ARHGEF6: variants seen among roughly 807,000 people sequenced by gnomAD.
ARHGEF6 encodes the protein Rac/Cdc42 guanine nucleotide exchange factor 6.
ARHGEF6 carries 9 observed loss-of-function variants against 70.3 expected under a neutral mutation model. That is an observed-to-expected ratio of 0.13 (90% CI 0.08 to 0.22). The LOEUF is 0.22. Ranked by LOEUF, ARHGEF6 falls within the 10% of genes least tolerant of loss-of-function variation. ARHGEF6 has a pLI of 1.00. For missense variants in ARHGEF6, 470 were observed against 563.0 expected (o/e 0.83, Z 1.67); for synonymous variants, 201 against 207.8 (o/e 0.97, Z 0.28).
At chrX:136,677,317 G>T (rs908955947) in intron 17 of ARHGEF6, among the ~76,000 whole-genome samples, 17 of 112,140 alleles carry the variant, frequency 1.5e-4, no homozygotes, top group African/African-American at 5.5e-4. Flanking sequence ...TGGGTTAGAA[G>T]TAACACACCC....
At chrX:136,716,433 C>T (rs1378670672) in intron 6 of ARHGEF6, among the ~76,000 whole-genome samples, 2 of 111,558 alleles carry the variant, frequency 1.8e-5, no homozygotes, top group Non-Finnish European at 3.8e-5. Flanking sequence ...GGGACACAAG[C>T]TCATTAAAAA....
At chrX:136,669,960 CACAT>C (rs1176732472) in intron 20 of ARHGEF6, among the ~76,000 whole-genome samples, 1 of 111,985 alleles carries the variant, frequency 8.9e-6, no homozygotes, top group Admixed American at 9.4e-5. Flanking sequence ...TCCATCTCCT[CACAT>C]AGTTACCTTT....
chrX:136,748,896 T>C (rs2077123373), intron 2 of ARHGEF6, among the ~76,000 whole-genome samples: 2 of 111,845 alleles, frequency 1.8e-5, no homozygotes, highest in Admixed American at 1.9e-4. Context: ...TGAAAATATA[T>C]AATATCAATT....
chrX:136,686,621 TAC>T (rs1176678410), intron 11 of ARHGEF6, among the ~76,000 whole-genome samples: 27 of 68,535 alleles, frequency 3.9e-4, no homozygotes, highest in African/African-American at 1.1e-3. Flanking sequence ...TATATATATA[TAC>T]ACATATATAT....
intron 2 of ARHGEF6, among the ~76,000 whole-genome samples, chrX:136,768,200 C>G (rs1168083533): frequency 3.6e-5 from 4 of 112,022 alleles, no homozygotes; most frequent in African/African-American, 1.3e-4. Context: ...TCTCTGATAA[C>G]AGGCCCCAAA....
At chrX:136,723,051 T>C (rs949545291) in intron 6 of ARHGEF6, among the ~76,000 whole-genome samples, 1 of 112,334 alleles carries the variant, frequency 8.9e-6, no homozygotes, top group African/African-American at 3.2e-5. Flanking sequence ...ACACAAAATA[T>C]CACACATTAT....
In ARHGEF6 at chrX:136,747,627, A is replaced by G. The variant is rs376605215; in HGVS notation, c.250-35T>C. Reference sequence around the variant, plus strand: ...AGGAAAATTGAAACCGTAAGACACTACAAGTATTCAACTCAACAAACAAAA... The same window carrying G: ...AGGAAAATTGAAACCGTAAGACACTGCAAGTATTCAACTCAACAAACAAAA... On this transcript the variant is annotated intron_variant, in intron 2 of 21. Transcript: ENST00000250617. The G allele has an allele frequency of 1.3e-4, 130 of 969,191 alleles. 1 individual carries two copies. The highest frequency in any genetic ancestry group is 1.5e-6 in the Non-Finnish European group (1 of 682,292). 79.9% of individuals were successfully genotyped at this position (969,191 alleles called of 1,213,427 possible).
At chrX:136,779,685 A>G (rs1276196706) in intron 1 of ARHGEF6, among the ~76,000 whole-genome samples, 188 bp from the exon 2 acceptor site, 3 of 111,907 alleles carry the variant, frequency 2.7e-5, no homozygotes, top group Non-Finnish European at 3.8e-5. Context: ...TCTTTGTTTC[A>G]AATGTCACCA....
In ARHGEF6 at chrX:136,718,485, A is replaced by T. The variant is rs775792125; in HGVS notation, c.733-5115T>A. On this transcript the variant is annotated intron_variant, in intron 6 of 21. Transcript: ENST00000250617. ...TTCCTTGTCAGTGCAAATGACAATA[A>T]ATTTGCTTATTTAACCCATTCTCAT... 5.4e-5 allele frequency among the ~76,000 whole-genome samples: 6 copies of T among 111,629 alleles called. No homozygotes were observed. The South Asian group carries it at 1.9e-3, about 35-fold the overall frequency.
At chrX:136,741,541 G>A (rs1422751696) in intron 5 of ARHGEF6, among the ~76,000 whole-genome samples, 1 of 103,764 alleles carries the variant, frequency 9.6e-6, no homozygotes, top group Non-Finnish European at 2.0e-5. Context: ...TTTTTTTTGT[G>A]TGTGTGTGTG....
chrX:136,769,012 G>A (rs1390221752), intron 2 of ARHGEF6, among the ~76,000 whole-genome samples: 1 of 110,611 alleles, frequency 9.0e-6, no homozygotes, highest in Non-Finnish European at 1.9e-5. Context: ...GAGGGGGAAA[G>A]AGAGGAGGAA....
At position 136,767,239 on chromosome X, in the gene ARHGEF6, G is replaced by C. The variant is rs780620022; in HGVS notation, c.249+12175C>G. On this transcript the variant is annotated intron_variant, in intron 2 of 21. Transcript: ENST00000250617. ...AAGCCGTTCGCCCTCCCGAGTCACGGGGCCGGCGAGCGGGCGGGCAAGCCT... is the reference window on the plus strand; with the variant it reads ...AAGCCGTTCGCCCTCCCGAGTCACGCGGCCGGCGAGCGGGCGGGCAAGCCT... 1.6e-4 allele frequency: 123 copies of C among 753,961 alleles called. No homozygotes were observed. In the African/African-American group the frequency reaches 2.7e-3, roughly 16 times the overall value. The allele number at this position is 753,961 out of a possible 1,213,427, so 62.1% of individuals were successfully genotyped here.
At chrX:136,672,820 C>T (rs1253131149) in intron 19 of ARHGEF6, among the ~76,000 whole-genome samples, 1 of 112,122 alleles carries the variant, frequency 8.9e-6, no homozygotes, top group Non-Finnish European at 1.9e-5. Context: ...TCCTCCCTCT[C>T]AGAGCTCAAG....
chrX:136,740,479 C>G (rs2077031539), intron 5 of ARHGEF6, among the ~76,000 whole-genome samples: 1 of 111,633 alleles, frequency 9.0e-6, no homozygotes, highest in Non-Finnish European at 1.9e-5. Context: ...CACTCATTTC[C>G]TGACCCAAGC....
chrX:136,665,647 AG>A lies in ARHGEF6; in HGVS notation c.*2381del, dbSNP rs1188901814. ...TAGAAAATTTGAGCTTGTGTTAAGAAGGGGAAGGACAGAAAAGGAACTGAAA... is the reference window on the plus strand; with the variant it reads ...TAGAAAATTTGAGCTTGTGTTAAGAAGGGAAGGACAGAAAAGGAACTGAAA... On this transcript the variant is annotated 3_prime_UTR_variant, in exon 22 of 22. Transcript: ENST00000250617. The A allele has an allele frequency of 2.6e-5, 3 of 113,436 alleles. No homozygotes were observed. Among genetic ancestry groups the A allele is most frequent in the Admixed American group, 9.3e-5 (1 of 10,707 alleles). 9.3% of individuals were successfully genotyped at this position (113,436 alleles called of 1,213,427 possible).
At chrX:136,686,176 T>C (rs2076383787) in intron 11 of ARHGEF6, among the ~76,000 whole-genome samples, 1 of 112,667 alleles carries the variant, frequency 8.9e-6, no homozygotes, top group Non-Finnish European at 1.9e-5. Context: ...TCAGATCTAC[T>C]GGTTGGTGCC....
At chrX:136,740,724 G>A (rs1569416037) in intron 5 of ARHGEF6, among the ~76,000 whole-genome samples, 1 of 111,628 alleles carries the variant, frequency 9.0e-6, no homozygotes, top group Admixed American at 9.5e-5. Flanking sequence ...AAGGAGAGTC[G>A]TCAAAGTGAG....
intron 19 of ARHGEF6, 37 bp downstream of exon 19, chrX:136,674,970 C>T (rs373727006): frequency 2.5e-5 from 28 of 1,142,380 alleles, no homozygotes; most frequent in Non-Finnish European, 3.0e-5. Flanking sequence ...AAGGAAGAAA[C>T]GTCACTCACT....
chrX:136,666,607 T>A lies in ARHGEF6; in HGVS notation c.*1422A>T, dbSNP rs1353979456. 2 of 112,369 alleles carry A rather than the reference T, an allele frequency of 1.8e-5. No individual in the cohort carries two copies. Among genetic ancestry groups the A allele is most frequent in the Non-Finnish European group, 3.8e-5 (2 of 53,240 alleles). The allele number at this position is 112,369 out of a possible 1,213,427, so 9.3% of individuals were successfully genotyped here. The stretch of plus-strand genomic sequence containing the variant: ...TTATAAAGGCAATTCTGATCAGCCC[T>A]TTGGCCTCAATTTCCAGTGACCTTC... On this transcript the variant is annotated 3_prime_UTR_variant, in exon 22 of 22. Transcript: ENST00000250617.
Sources: allele counts gnomAD v4.1 joint callset (sites outside exome capture counted in the v4.1 genomes callset), GRCh38; gene constraint gnomAD v4.1.1; transcripts MANE v1.5; gene names NCBI Gene and HGNC (gene_info 2026-07-23, HGNC 2026-07-21).